SATB2: variants seen among roughly 807,000 people sequenced by gnomAD.
SATB2 encodes SATB homeobox 2.
Under a neutral mutation model 73.4 loss-of-function variants are expected in SATB2, and 1 was observed. That is an observed-to-expected ratio of 0.01 (90% CI 0.00 to 0.06). The LOEUF (loss-of-function observed/expected upper bound fraction) is 0.06, where lower values mean the gene tolerates loss of function less well. Ranked by LOEUF, SATB2 falls within the 10% of genes least tolerant of loss-of-function variation. SATB2 has a pLI of 1.00. For missense variants in SATB2, 459 were observed against 945.8 expected (o/e 0.49, Z 6.75); for synonymous variants, 397 against 367.0 (o/e 1.08, Z -0.93).
intron 2 of SATB2, among the ~76,000 whole-genome samples, chr2:199,444,982 A>G (rs919462266): frequency 6.6e-6 from 1 of 152,234 alleles, no homozygotes; most frequent in Admixed American, 6.5e-5. Context: ...GCTGCATCTC[A>G]GAAGCCTGCC....
chr2:199,446,492 A>AT (rs1376033794), intron 2 of SATB2, among the ~76,000 whole-genome samples: 1 of 152,188 alleles, frequency 6.6e-6, no homozygotes, highest in Non-Finnish European at 1.5e-5. Flanking sequence ...TGAAAAAAAA[A>AT]CCAAAACACT....
chr2:199,290,142 T>G (rs1045388277), intron 10 of SATB2, among the ~76,000 whole-genome samples: 1 of 152,254 alleles, frequency 6.6e-6, no homozygotes, highest in African/African-American at 2.4e-5. Flanking sequence ...ACTCATGCTG[T>G]GTCACCCTTT....
At chr2:199,432,759 G>C (rs1039928898) in intron 3 of SATB2, among the ~76,000 whole-genome samples, 1 of 152,070 alleles carries the variant, frequency 6.6e-6, no homozygotes, top group Non-Finnish European at 1.5e-5. Flanking sequence ...GGGCTCCCCA[G>C]TATTGTACAA....
At chr2:199,332,090 T>C (rs903465671) in intron 7 of SATB2, among the ~76,000 whole-genome samples, 4 of 152,118 alleles carry the variant, frequency 2.6e-5, no homozygotes, top group Non-Finnish European at 4.4e-5. Context: ...AATGTGCAAA[T>C]GGAGGGAAAT....
chr2:199,444,628 C>T (rs1691911838), intron 2 of SATB2, among the ~76,000 whole-genome samples: 1 of 152,114 alleles, frequency 6.6e-6, no homozygotes, highest in Admixed American at 6.6e-5. Context: ...TACAAAATAA[C>T]AGAAACACAA....
intron 2 of SATB2, 145 bp from the exon 3 acceptor site, chr2:199,433,659 G>C (rs1349666190): frequency 1.3e-6 from 1 of 783,534 alleles, no homozygotes; most frequent in Non-Finnish European, 2.2e-6. Context: ...AGTCATATAG[G>C]TCTAATGGAA....
At position 199,293,533 on chromosome 2, in the gene SATB2, A is replaced by G. The variant is rs1692935524; in HGVS notation, c.1740+15227T>C. 2.0e-5 allele frequency among the ~76,000 whole-genome samples: 3 copies of G among 152,290 alleles called. No homozygotes were observed. The South Asian group carries it at 6.2e-4, about 32-fold the overall frequency. Reference sequence around the variant, plus strand: ...ATTAATAATATTTTTTAAATAAACAAAGAAAATATGAGCCTTAATGCATGA... The same window carrying G: ...ATTAATAATATTTTTTAAATAAACAGAGAAAATATGAGCCTTAATGCATGA... On this transcript the variant is annotated intron_variant, in intron 10 of 10. Coordinates refer to ENST00000417098, the MANE Select transcript of SATB2 (RefSeq NM_001172509.2).
intron 3 of SATB2, among the ~76,000 whole-genome samples, chr2:199,412,073 G>A (rs1298957182): frequency 6.6e-6 from 1 of 152,120 alleles, no homozygotes; most frequent in East Asian, 1.9e-4. Context: ...TCACATGGTT[G>A]AAGGGAATGA....
intron 10 of SATB2, among the ~76,000 whole-genome samples, chr2:199,282,361 T>C (rs1692550747): frequency 6.6e-6 from 1 of 152,076 alleles, no homozygotes; most frequent in Non-Finnish European, 1.5e-5. Flanking sequence ...TTCTTTTCTG[T>C]GTAAAAAAAA....
intron 3 of SATB2, among the ~76,000 whole-genome samples, chr2:199,391,445 A>AC (rs1007181577): frequency 6.6e-5 from 10 of 151,518 alleles, no homozygotes; most frequent in African/African-American, 2.2e-4. Context: ...AAAAAAAAAA[A>AC]AAAAAAACAA....
chr2:199,425,479 G>T (rs1691298900), intron 3 of SATB2, among the ~76,000 whole-genome samples: 1 of 152,186 alleles, frequency 6.6e-6, no homozygotes, highest in South Asian at 2.1e-4. Flanking sequence ...TCCACTGATA[G>T]GACTTTTTTT....
chr2:199,293,392 T>A (rs1431121056), intron 10 of SATB2, among the ~76,000 whole-genome samples: 2 of 151,938 alleles, frequency 1.3e-5, no homozygotes, highest in African/African-American at 4.8e-5. Flanking sequence ...AAAACTCGAG[T>A]AGCCCAAACT....
intron 2 of SATB2, among the ~76,000 whole-genome samples, chr2:199,449,018 C>T (rs1020335994): frequency 6.6e-6 from 1 of 152,162 alleles, no homozygotes; most frequent in Non-Finnish European, 1.5e-5. Flanking sequence ...TACTATAAAA[C>T]TGACATAGTT....
chr2:199,446,005 CA>C (rs1691951883), intron 2 of SATB2, among the ~76,000 whole-genome samples: 2 of 152,022 alleles, frequency 1.3e-5, no homozygotes, highest in South Asian at 4.1e-4. Flanking sequence ...ATTAATACAT[CA>C]AAAAGATCAT....
At position 199,377,662 on chromosome 2, in the gene SATB2, A is replaced by G. The variant is rs1031848945; in HGVS notation, c.597+2702T>C. Among the ~76,000 whole-genome samples, 3 of 152,154 alleles carry G rather than the reference A, an allele frequency of 2.0e-5. No individual in the cohort carries two copies. In the East Asian group the frequency reaches 5.8e-4, roughly 29 times the overall value. On this transcript the variant is annotated intron_variant, in intron 5 of 10. Transcript: ENST00000417098. ...GTGTCATCTTGATGGTCTTTATGAT[A>G]TGGAGTCCGTACTTCCTACAGGGTG...
chr2:199,315,231 G>C (rs894756748), intron 9 of SATB2, among the ~76,000 whole-genome samples: 1 of 151,764 alleles, frequency 6.6e-6, no homozygotes, highest in East Asian at 1.9e-4. Flanking sequence ...AGTTTTTAAA[G>C]CTCTCTTCAA....
intron 3 of SATB2, among the ~76,000 whole-genome samples, chr2:199,421,245 G>A (rs1691159418): frequency 6.6e-6 from 1 of 152,112 alleles, no homozygotes; most frequent in Non-Finnish European, 1.5e-5. Flanking sequence ...GCTGGGTCAC[G>A]TTAGAATTAT....
chr2:199,381,733 T>C lies in SATB2; in HGVS notation c.434A>G (p.Asp145Gly). Residue 145 changes from aspartate to glycine, a missense_variant, in exon 4 of 11, where the codon GAT (aspartate) becomes GGT (glycine). Coordinates refer to ENST00000417098, the MANE Select transcript of SATB2 (RefSeq NM_001172509.2). ...TTTCAACGTCACAACATGATAGACA[T>C]CTTGTAGCATGTCGGCCACTGTCGC... ...PDATVADMLQDVYHVVTLKIQ... is the reference protein window; with the variant it reads ...PDATVADMLQGVYHVVTLKIQ... The C allele has an allele frequency of 6.2e-7, 1 of 1,614,094 alleles. No homozygotes were observed. Among genetic ancestry groups the C allele is most frequent in the Non-Finnish European group, 8.5e-7 (1 of 1,179,968 alleles).
At chr2:199,309,026 G>T in intron 9 of SATB2, 69 bp from the exon 10 acceptor site, 2 of 1,205,642 alleles carry the variant, frequency 1.7e-6, no homozygotes, top group East Asian at 2.4e-5. Flanking sequence ...CTTGACTGCG[G>T]TCCAGTGCCA....
Sources: gnomAD v4.1 joint callset for allele counts (sites outside exome capture counted in the v4.1 genomes callset) on GRCh38, gnomAD v4.1.1 for gene constraint, MANE v1.5 for transcripts, NCBI Gene and HGNC (gene_info 2026-07-23, HGNC 2026-07-21) for gene names.